Variants in GALNT2 observed in about 807,000 individuals in gnomAD.
GALNT2 encodes the protein UDP-GalNAc:polypeptide N-acetylgalactosaminyltransferase 2.
GALNT2 carries 31 observed loss-of-function variants against 81.4 expected under a neutral mutation model. That is an observed-to-expected ratio of 0.38 (90% CI 0.29 to 0.51). The LOEUF is 0.51. GALNT2 is among the 20% of genes least tolerant of loss of function. The probability of loss-of-function intolerance (pLI) is 0.87; values close to 1 mark genes in which losing one functional copy is unlikely to be tolerated. For missense variants in GALNT2, 629 were observed against 765.7 expected (o/e 0.82, Z 2.11); for synonymous variants, 303 against 287.4 (o/e 1.05, Z -0.55).
chr1:230,173,706 A>C lies in GALNT2; in HGVS notation c.127-4512A>C, dbSNP rs1287957309. Among the ~76,000 whole-genome samples the C allele has an allele frequency of 2.0e-5, 3 of 152,258 alleles. No individual in the cohort carries two copies. The East Asian group carries it at 5.8e-4, about 29-fold the overall frequency. On this transcript the variant is annotated intron_variant, in intron 1 of 15. Coordinates refer to ENST00000366672, the MANE Select transcript of GALNT2 (RefSeq NM_004481.5). ...ACACAGATCTGTTGGTAGCACAGCC[A>C]GGATACCAGTGGCTACTGGGCGCAA...
intron 1 of GALNT2, among the ~76,000 whole-genome samples, chr1:230,130,278 A>G (rs1661327282): frequency 6.6e-6 from 1 of 152,146 alleles, no homozygotes; most frequent in South Asian, 2.1e-4. Context: ...TCACCTACCC[A>G]CAGCGCTGCC....
In GALNT2 at chr1:230,257,768, G is replaced by C. The variant is rs776718367; in HGVS notation, c.1136+2424G>C. ...GAAGCAGGCAGCTGTTTGCTAATAG[G>C]GCGGCAGAGAGAAGGGAGGTAGAGC... On this transcript the variant is annotated intron_variant, in intron 11 of 15. Transcript: ENST00000366672. The surrounding 1 kb of genome is among the most constrained non-coding windows in gnomAD (Gnocchi z 4.6). 3.3e-5 allele frequency among the ~76,000 whole-genome samples: 5 copies of C among 152,222 alleles called. No individual in the cohort carries two copies. The highest frequency in any genetic ancestry group is 2.1e-4 in the South Asian group (1 of 4,836).
intron 1 of GALNT2, among the ~76,000 whole-genome samples, chr1:230,151,827 G>C (rs1215012315): frequency 1.3e-5 from 2 of 152,246 alleles, no homozygotes; most frequent in African/African-American, 4.8e-5. Context: ...TCCATAGACA[G>C]AGCAGCCTCG....
chr1:230,238,001 C>T (rs543064706), intron 6 of GALNT2, among the ~76,000 whole-genome samples: 20 of 152,328 alleles, frequency 1.3e-4, no homozygotes, highest in Admixed American at 5.2e-4. Flanking sequence ...ATGTTCATTT[C>T]GGTTGAACCC....
At chr1:230,219,286 A>G (rs1664477345) in intron 3 of GALNT2, among the ~76,000 whole-genome samples, 1 of 152,136 alleles carries the variant, frequency 6.6e-6, no homozygotes, top group Middle Eastern at 3.2e-3. Context: ...TGATATTCAC[A>G]TATAAGTGTC....
At chr1:230,123,254 G>A (rs904298814) in intron 1 of GALNT2, among the ~76,000 whole-genome samples, 4 of 152,158 alleles carry the variant, frequency 2.6e-5, no homozygotes, top group African/African-American at 7.2e-5. Context: ...TGCCTTATTC[G>A]TGACGCTTGG....
At position 230,067,384 on chromosome 1, in the gene GALNT2, C is replaced by A; in HGVS notation, c.104C>A (p.Ala35Glu). 7.9e-7 allele frequency: 1 copy of A among 1,273,706 alleles called. No individual in the cohort carries two copies. The highest frequency in any genetic ancestry group is 4.0e-5 in the Admixed American group (1 of 25,310). The allele number at this position is 1,273,706 out of a possible 1,614,324, so 78.9% of individuals were successfully genotyped here. Residue 35 changes from alanine (A) to glutamate (E), a missense_variant, in exon 1 of 16, where the codon GCG becomes GAG. Coordinates refer to ENST00000366672, the MANE Select transcript of GALNT2 (RefSeq NM_004481.5). ...SGGGSALAGGAGGGAGRKEDW... is the reference protein window; with the variant it reads ...SGGGSALAGGEGGGAGRKEDW... ...GGCGGCTCTGCGCTGGCCGGGGGCGCGGGCGGCGGCGCCGGCAGGAAGGTG... is the reference window on the plus strand; with the variant it reads ...GGCGGCTCTGCGCTGGCCGGGGGCGAGGGCGGCGGCGCCGGCAGGAAGGTG...
chr1:230,172,296 A>T (rs942346307), intron 1 of GALNT2, among the ~76,000 whole-genome samples: 3 of 152,116 alleles, frequency 2.0e-5, no homozygotes. Context: ...GATGGGCCCC[A>T]GTGAGGAACT....
At chr1:230,084,522 TG>T (rs1369357574) in intron 1 of GALNT2, among the ~76,000 whole-genome samples, 1 of 152,102 alleles carries the variant, frequency 6.6e-6, no homozygotes, top group Non-Finnish European at 1.5e-5. Context: ...GATCTGATTT[TG>T]TCTGCCCTGG....
intron 1 of GALNT2, among the ~76,000 whole-genome samples, chr1:230,072,667 C>T (rs1489655806): frequency 6.6e-6 from 1 of 152,180 alleles, no homozygotes. Context: ...ACTGGCTTAG[C>T]CATGCCACTC....
At chr1:230,172,904 T>C (rs1056668527) in intron 1 of GALNT2, among the ~76,000 whole-genome samples, 1 of 152,192 alleles carries the variant, frequency 6.6e-6, no homozygotes, top group South Asian at 2.1e-4. Flanking sequence ...AGAGATAGGA[T>C]GAATTTGAGC....
chr1:230,197,077 C>T (rs1663718154), intron 2 of GALNT2, among the ~76,000 whole-genome samples: 4 of 152,080 alleles, frequency 2.6e-5, no homozygotes, highest in Admixed American at 2.6e-4. Flanking sequence ...AGCACTAACA[C>T]CCCTGGCTTC....
chr1:230,165,926 C>T (rs989508057), intron 1 of GALNT2, among the ~76,000 whole-genome samples: 3 of 152,200 alleles, frequency 2.0e-5, no homozygotes. Flanking sequence ...CTACTGTGAT[C>T]TGATTGAAAT....
chr1:230,181,762 A>G (rs1034656105), intron 2 of GALNT2, among the ~76,000 whole-genome samples: 2 of 152,188 alleles, frequency 1.3e-5, no homozygotes, highest in Non-Finnish European at 2.9e-5. Context: ...AGAATGAGTT[A>G]GGAAGTATTT....
At chr1:230,169,960 G>A (rs561626048) in intron 1 of GALNT2, among the ~76,000 whole-genome samples, 1 of 152,324 alleles carries the variant, frequency 6.6e-6, no homozygotes, top group Non-Finnish European at 1.5e-5. Context: ...TCTGAACACT[G>A]AGAACTGCCT....
intron 1 of GALNT2, among the ~76,000 whole-genome samples, chr1:230,147,468 G>A (rs1479497422): frequency 6.6e-6 from 1 of 152,240 alleles, no homozygotes; most frequent in Non-Finnish European, 1.5e-5. Flanking sequence ...GGACTGCTGT[G>A]GGCTGAGACT....
At chr1:230,194,855 C>T (rs1210001421) in intron 2 of GALNT2, among the ~76,000 whole-genome samples, 1 of 152,204 alleles carries the variant, frequency 6.6e-6, no homozygotes, top group Non-Finnish European at 1.5e-5. Flanking sequence ...AGAGCTGTGG[C>T]AGCCTATTCC....
At chr1:230,182,425 T>C (rs1324497767) in intron 2 of GALNT2, among the ~76,000 whole-genome samples, 1 of 152,236 alleles carries the variant, frequency 6.6e-6, no homozygotes, top group Non-Finnish European at 1.5e-5. Flanking sequence ...ATAAGTTTTG[T>C]TTTCATTTTT....
intron 1 of GALNT2, among the ~76,000 whole-genome samples, chr1:230,112,372 G>A (rs1359564222): frequency 1.4e-5 from 2 of 146,464 alleles, no homozygotes; most frequent in African/African-American, 5.1e-5. Flanking sequence ...TGCCTCCAGA[G>A]GCGCCGGGGG....
Sources: gnomAD v4.1 joint callset for allele counts (sites outside exome capture counted in the v4.1 genomes callset) on GRCh38, gnomAD v4.1.1 for gene constraint, Gnocchi (gnomAD v3.1) non-coding constraint, MANE v1.5 for transcripts, NCBI Gene and HGNC (gene_info 2026-07-23, HGNC 2026-07-21) for gene names.